Variants in MAPK10 observed in about 807,000 individuals in gnomAD.
The protein encoded by MAPK10 is mitogen-activated protein kinase 10, also known as JNK3 alpha protein kinase.
A neutral mutation model predicts 59.3 loss-of-function variants in MAPK10; 25 were observed. That is an observed-to-expected ratio of 0.42 (90% CI 0.31 to 0.59). The LOEUF (loss-of-function observed/expected upper bound fraction) is 0.59. MAPK10 is among the 20% of genes least tolerant of loss of function. The pLI is 0.15. For synonymous variants in MAPK10, 190 were observed against 200.5 expected (o/e 0.95, Z 0.44); for missense variants, 351 against 568.9 (o/e 0.62, Z 3.90).
At position 86,579,593 on chromosome 4, in the gene MAPK10, T is replaced by C. The variant is rs545340850; in HGVS notation, c.-263+14317A>G. The stretch of plus-strand genomic sequence containing the variant: ...ATATGCACTCTTCTATGTCTTGCTT[T>C]ATTTCACATAAAATGTTTTGGGATA... On this transcript the variant is annotated intron_variant, in intron 1 of 4. Transcript: ENST00000502302. 1.1e-4 allele frequency among the ~76,000 whole-genome samples: 16 copies of C among 152,178 alleles called. No individual in the cohort carries two copies. In the East Asian group the frequency reaches 3.1e-3, roughly 29 times the overall value.
chr4:86,488,468 G>T (rs1309250812), intron 1 of MAPK10, among the ~76,000 whole-genome samples: 1 of 152,156 alleles, frequency 6.6e-6, no homozygotes, highest in East Asian at 1.9e-4. Flanking sequence ...TATTGGGAGG[G>T]TAATATCAGA....
At chr4:86,089,941 A>G (rs1041983899) in intron 9 of MAPK10, among the ~76,000 whole-genome samples, 3 of 152,154 alleles carry the variant, frequency 2.0e-5, no homozygotes, top group Non-Finnish European at 4.4e-5. Context: ...GGGATCGCTC[A>G]ATGTGAAATA....
rs200329741 is a variant in MAPK10, at chr4:86,046,256, A to G, written c.1111-14825T>C. 2.3e-3 allele frequency among the ~76,000 whole-genome samples: 355 copies of G among 151,670 alleles called. 23 individuals carry two copies. In the East Asian group the frequency reaches 0.07, roughly 30 times the overall value. On this transcript the variant is annotated intron_variant, in intron 11 of 13. Transcript: ENST00000641462. Reference sequence around the variant, plus strand: ...GCAATCATGTCATCTGCAAACAGGGACAATTTGACTTCCTGTCTTCCTATT... The same window carrying G: ...GCAATCATGTCATCTGCAAACAGGGGCAATTTGACTTCCTGTCTTCCTATT...
chr4:86,063,718 T>C (rs1333858554), intron 11 of MAPK10, among the ~76,000 whole-genome samples: 1 of 152,126 alleles, frequency 6.6e-6, no homozygotes, highest in East Asian at 1.9e-4. Flanking sequence ...GTATCAGACA[T>C]GGAGATACAT....
chr4:86,507,617 T>TATATATAC (rs1755846293), intron 1 of MAPK10, among the ~76,000 whole-genome samples: 1 of 11,178 alleles, frequency 8.9e-5, no homozygotes, highest in African/African-American at 5.5e-4. Context: ...AAACTGGAGA[T>TATATATAC]ATATATATAT....
In MAPK10 at chr4:86,029,290, G is replaced by A. The variant is rs749964868; in HGVS notation, c.1175-16C>T. The A allele has an allele frequency of 3.9e-6, 6 of 1,529,400 alleles. No individual in the cohort carries two copies. In the Admixed American group the frequency reaches 5.0e-5, roughly 13 times the overall value. The allele number at this position is 1,529,400 out of a possible 1,614,324, so 94.7% of individuals were successfully genotyped here. A position where few individuals can be genotyped will look rare whatever the true frequency, so the allele number is the denominator to read the frequency against. ...TAGATAAGTTCTGTAAGAAACAGCT[G>A]TGTTATTATAGAAAACAAATTTATC... On this transcript the variant is annotated splice_polypyrimidine_tract_variant and intron_variant, in intron 12 of 13. Coordinates refer to ENST00000641462, the MANE Select transcript of MAPK10 (RefSeq NM_138982.4).
intron 1 of MAPK10, among the ~76,000 whole-genome samples, chr4:86,588,380 A>T (rs1224443283): frequency 6.6e-6 from 1 of 152,162 alleles, no homozygotes; most frequent in Non-Finnish European, 1.5e-5. Flanking sequence ...TAATTTCAGA[A>T]ATGCAATGTT....
chr4:86,342,335 C>T (rs1197449613), intron 2 of MAPK10, among the ~76,000 whole-genome samples: 1 of 152,154 alleles, frequency 6.6e-6, no homozygotes, highest in African/African-American at 2.4e-5. Flanking sequence ...CCATGCCTGG[C>T]TTCATCTTGC....
chr4:86,558,320 T>G (rs889754479), intron 1 of MAPK10, among the ~76,000 whole-genome samples: 1 of 152,170 alleles, frequency 6.6e-6, no homozygotes, highest in African/African-American at 2.4e-5. Context: ...TCCATCAAAT[T>G]CAGTGCTAAA....
At chr4:86,277,838 A>G (rs1414672699) in intron 2 of MAPK10, among the ~76,000 whole-genome samples, 1 of 152,208 alleles carries the variant, frequency 6.6e-6, no homozygotes, top group East Asian at 1.9e-4. Context: ...TTTACCAAAC[A>G]TTAACAATCT....
In MAPK10 at chr4:86,124,530, C is replaced by A. The variant is rs75498791; in HGVS notation, c.237-17178G>T. 3 of 151,732 alleles carry A rather than the reference C, an allele frequency of 2.0e-5. No homozygotes were observed. In the East Asian group the frequency reaches 5.8e-4, roughly 29 times the overall value. 9.4% of individuals were successfully genotyped at this position (151,732 alleles called of 1,614,324 possible). On this transcript the variant is annotated intron_variant, in intron 4 of 13. Coordinates refer to ENST00000641462, the MANE Select transcript of MAPK10 (RefSeq NM_138982.4). ...TCATAGTATTTCACAAATGGAGCATCCCAGTATTCAGCTCTTGAAACTTTT... is the reference window on the plus strand; with the variant it reads ...TCATAGTATTTCACAAATGGAGCATACCAGTATTCAGCTCTTGAAACTTTT...
At chr4:86,368,591 C>A (rs915288786) in intron 1 of MAPK10, among the ~76,000 whole-genome samples, 3 of 152,096 alleles carry the variant, frequency 2.0e-5, no homozygotes, top group Non-Finnish European at 4.4e-5. Context: ...TAGAATTCAA[C>A]GGTACTTTGA....
At chr4:86,033,749 A>G (rs2039596292) in intron 11 of MAPK10, among the ~76,000 whole-genome samples, 1 of 152,228 alleles carries the variant, frequency 6.6e-6, no homozygotes, top group African/African-American at 2.4e-5. Context: ...AATTTACTAC[A>G]TATTCAGATT....
chr4:86,251,895 G>C (rs983989261), intron 2 of MAPK10, among the ~76,000 whole-genome samples: 1 of 132,024 alleles, frequency 7.6e-6, no homozygotes, highest in Non-Finnish European at 1.5e-5. Context: ...ATATCTCATA[G>C]TGGTTTTGAT....
intron 4 of MAPK10, among the ~76,000 whole-genome samples, chr4:86,109,949 T>C (rs143371544): frequency 0.013 from 1,920 of 152,348 alleles, 42 homozygotes; most frequent in African/African-American, 0.044. Flanking sequence ...GGTATCTCAT[T>C]ATGGTTTTGA....
At chr4:86,235,776 GGTGAACA>G (rs904650354) in intron 2 of MAPK10, among the ~76,000 whole-genome samples, 1 of 152,116 alleles carries the variant, frequency 6.6e-6, no homozygotes, top group African/African-American at 2.4e-5. Context: ...CTGTGGTGGA[GGTGAACA>G]GTGTGCTGAG....
In MAPK10 at chr4:86,146,367, CA is replaced by C. The variant is rs2065003001; in HGVS notation, c.236+12930del. Among the ~76,000 whole-genome samples the C allele has an allele frequency of 2.0e-5, 3 of 152,056 alleles. No individual in the cohort carries two copies. In the South Asian group the frequency reaches 6.2e-4, roughly 32 times the overall value. ...TGATGCTAATAATCCTGTGAAAATA[CA>C]AGGTTATGTAGAAGCTGGTCAGAGG... On this transcript the variant is annotated intron_variant, in intron 4 of 13. Coordinates refer to ENST00000641462, the MANE Select transcript of MAPK10 (RefSeq NM_138982.4).
chr4:86,240,385 T>G (rs908284164), intron 2 of MAPK10, among the ~76,000 whole-genome samples: 4 of 152,196 alleles, frequency 2.6e-5, no homozygotes, highest in African/African-American at 9.6e-5. Context: ...AGAGCTGAGT[T>G]CACGTCCCAA....
intron 2 of MAPK10, among the ~76,000 whole-genome samples, chr4:86,338,052 A>G (rs1366274642): frequency 6.6e-6 from 1 of 152,194 alleles, no homozygotes; most frequent in Non-Finnish European, 1.5e-5. Flanking sequence ...TTAGATTTGC[A>G]GAGAAGTTGA....
Sources: allele counts gnomAD v4.1 joint callset (sites outside exome capture counted in the v4.1 genomes callset), GRCh38; gene constraint gnomAD v4.1.1; transcripts MANE v1.5; gene names NCBI Gene and HGNC (gene_info 2026-07-23, HGNC 2026-07-21).